Variants in FSTL4 observed in about 807,000 individuals in gnomAD.
The protein encoded by FSTL4 is follistatin like 4.
Under a neutral mutation model 78.2 loss-of-function variants are expected in FSTL4, and 28 were observed. That is an observed-to-expected ratio of 0.36 (90% CI 0.27 to 0.49). The LOEUF is 0.49. FSTL4 is among the 20% of genes least tolerant of loss of function. FSTL4 has a pLI of 0.98. For synonymous variants in FSTL4, 422 were observed against 440.5 expected (o/e 0.96, Z 0.53); for missense variants, 922 against 1,084.9 (o/e 0.85, Z 2.11).
At chr5:133,840,827 C>T in the FSTL4 span, among the ~76,000 whole-genome samples, 5 of 152,232 alleles carry the variant, frequency 3.3e-5, no homozygotes, top group African/African-American at 9.6e-5. Context: ...AGGGGGACCC[C>T]TCTCCAGGAA....
At chr5:133,548,957 T>C (rs1054960004) in intron 3 of FSTL4, among the ~76,000 whole-genome samples, 1 of 152,218 alleles carries the variant, frequency 6.6e-6, no homozygotes, top group African/African-American at 2.4e-5. Context: ...TGCTTTCTGA[T>C]TTCTACTGGG....
intron 2 of FSTL4, among the ~76,000 whole-genome samples, chr5:133,579,755 A>C (rs545406731): frequency 8.5e-5 from 13 of 152,346 alleles, no homozygotes; most frequent in Middle Eastern, 3.4e-3. Context: ...TAGAAAATTA[A>C]AAGACAAAAA....
At chr5:133,207,003 T>C (rs572100613) in intron 14 of FSTL4, among the ~76,000 whole-genome samples, 39 of 152,184 alleles carry the variant, frequency 2.6e-4, no homozygotes, top group Non-Finnish European at 2.4e-4. Context: ...ATCCAATAGA[T>C]ATATCCAGGA....
At chr5:133,325,404 G>A (rs1754184960) in intron 4 of FSTL4, among the ~76,000 whole-genome samples, 1 of 152,174 alleles carries the variant, frequency 6.6e-6, no homozygotes, top group South Asian at 2.1e-4. Context: ...TCTCCGGGGT[G>A]CTGGAATCTC....
the FSTL4 span, among the ~76,000 whole-genome samples, chr5:133,814,383 G>A: frequency 3.9e-5 from 6 of 152,194 alleles, no homozygotes; most frequent in African/African-American, 1.4e-4. Context: ...TCGGGCAGGA[G>A]TCCCTGGGTG....
At chr5:133,813,977 C>T in the FSTL4 span, among the ~76,000 whole-genome samples, 379 of 152,268 alleles carry the variant, frequency 2.5e-3, 1 homozygote, top group African/African-American at 8.7e-3. Context: ...AATCATACAC[C>T]TTCATATTAA....
Position 133,199,829 on chromosome 5 carries a change from C to G in FSTL4, c.1827-32G>C. ...GGGGAAGAACTGAGGTCAGAAGTTG[C>G]CTCCAGGGGTGGGGAATCTGTCATT... On this transcript the variant is annotated intron_variant, in intron 15 of 15. Transcript: ENST00000265342. This position sits in a 1 kb window ranked among gnomAD's most constrained non-coding sequence, Gnocchi z 4.4. 8.1e-7 allele frequency: 1 copy of G among 1,240,338 alleles called. No homozygotes were observed. Among genetic ancestry groups the G allele is most frequent in the Non-Finnish European group, 1.1e-6 (1 of 879,750 alleles). The allele number at this position is 1,240,338 out of a possible 1,614,324, so 76.8% of individuals were successfully genotyped here.
At chr5:133,540,973 T>C (rs1759459115) in intron 3 of FSTL4, among the ~76,000 whole-genome samples, 1 of 152,086 alleles carries the variant, frequency 6.6e-6, no homozygotes, top group Non-Finnish European at 1.5e-5. Context: ...TCCTCAGGAC[T>C]CTGCCAGCCC....
chr5:133,282,035 T>A (rs1753021015), intron 6 of FSTL4, among the ~76,000 whole-genome samples: 1 of 152,140 alleles, frequency 6.6e-6, no homozygotes, highest in Admixed American at 6.5e-5. Flanking sequence ...GCACTCATGA[T>A]GTGCCAAGCC....
chr5:133,688,326 T>G, the FSTL4 span, among the ~76,000 whole-genome samples: 1 of 152,080 alleles, frequency 6.6e-6, no homozygotes, highest in Non-Finnish European at 1.5e-5. Context: ...GGCAGGAGAA[T>G]TGCTTGAACC....
the FSTL4 span, among the ~76,000 whole-genome samples, chr5:133,723,297 G>T: frequency 6.6e-6 from 1 of 152,218 alleles, no homozygotes; most frequent in African/African-American, 2.4e-5. Flanking sequence ...GGCAGCAATT[G>T]CATGGCTCTG....
intron 6 of FSTL4, among the ~76,000 whole-genome samples, chr5:133,272,136 A>G (rs1752780746): frequency 6.6e-6 from 1 of 152,276 alleles, no homozygotes; most frequent in South Asian, 2.1e-4. Flanking sequence ...AGGGGAATGT[A>G]CCAGGAATGT....
At chr5:133,264,927 T>C (rs1238124266) in intron 6 of FSTL4, among the ~76,000 whole-genome samples, 1 of 152,220 alleles carries the variant, frequency 6.6e-6, no homozygotes. Flanking sequence ...GCCAGCTGGC[T>C]GAGTGAATGG....
At chr5:133,812,638 A>G in the FSTL4 span, among the ~76,000 whole-genome samples, 2 of 152,160 alleles carry the variant, frequency 1.3e-5, no homozygotes, top group Non-Finnish European at 2.9e-5. Context: ...TCCCCACTCC[A>G]TCCCCCATCA....
the FSTL4 span, among the ~76,000 whole-genome samples, chr5:133,621,599 G>A: frequency 6.6e-6 from 1 of 152,196 alleles, no homozygotes; most frequent in Non-Finnish European, 1.5e-5. Flanking sequence ...GGGGACTTGG[G>A]GGAAAGAGTT....
At chr5:133,438,029 A>T (rs11950239) in intron 3 of FSTL4, among the ~76,000 whole-genome samples, 8,966 of 152,160 alleles carry the variant, frequency 0.059, 878 homozygotes, top group African/African-American at 0.2. Flanking sequence ...ACTTAATTCT[A>T]TAATTGACTT....
At chr5:133,411,237 GA>G (rs1279374303) in intron 3 of FSTL4, among the ~76,000 whole-genome samples, 1 of 152,144 alleles carries the variant, frequency 6.6e-6, no homozygotes, top group Non-Finnish European at 1.5e-5. Context: ...TCCAGCCTCT[GA>G]AAAAATGACT....
intron 3 of FSTL4, among the ~76,000 whole-genome samples, chr5:133,422,453 G>A (rs1388458091): frequency 6.6e-6 from 1 of 152,078 alleles, no homozygotes; most frequent in African/African-American, 2.4e-5. Context: ...TGTGAGTGAA[G>A]GAGGCGGGGT....
At chr5:133,424,456 A>C (rs192286061) in intron 3 of FSTL4, among the ~76,000 whole-genome samples, 2 of 152,236 alleles carry the variant, frequency 1.3e-5, no homozygotes, top group African/African-American at 2.4e-5. Flanking sequence ...CCTTAGAGAC[A>C]GGAAATGACA....
Sources: gnomAD v4.1 joint callset for allele counts (sites outside exome capture counted in the v4.1 genomes callset) on GRCh38, gnomAD v4.1.1 for gene constraint, Gnocchi (gnomAD v3.1) non-coding constraint, MANE v1.5 for transcripts, NCBI Gene and HGNC (gene_info 2026-07-23, HGNC 2026-07-21) for gene names.